The following CACNA2D2 variants were observed in gnomAD, a reference collection of about 807,000 sequenced individuals.
CACNA2D2 encodes the protein voltage-dependent calcium channel subunit alpha-2/delta-2.
In CACNA2D2, 48 loss-of-function variants were observed where a neutral mutation model predicts 166.4. The ratio of observed to expected loss-of-function variants is 0.29; its 90% CI spans 0.23 to 0.37. CACNA2D2 has a LOEUF of 0.37. CACNA2D2 is among the 10% of genes least tolerant of loss of function. The pLI is 1.00. For synonymous variants in CACNA2D2, 561 were observed against 573.7 expected (o/e 0.98, Z 0.32); for missense variants, 1,122 against 1,433.0 (o/e 0.78, Z 3.50).
Position 50,368,161 on chromosome 3 carries a change from T to C in CACNA2D2, c.2120A>G (p.Lys707Arg). 6.2e-7 allele frequency: 1 copy of C among 1,613,542 alleles called. No homozygotes were observed. Among genetic ancestry groups the C allele is most frequent in the Non-Finnish European group, 8.5e-7 (1 of 1,179,544 alleles). ...FLKNFIELME[K>R]VTPDSKQCNN... ...ACACTGCTTGGAGTCTGGAGTCACT[T>C]TCTCCATGAGCTCAATAAAGTTTTT... The change falls in exon 24 of 38, where the codon AAA becomes AGA. Residue 707 changes from lysine (K) to arginine (R), a missense_variant. Physicochemically the swap from Lys to Arg is conservative, Grantham distance 26. Coordinates refer to ENST00000424201, the MANE Select transcript of CACNA2D2 (RefSeq NM_006030.4).
At chr3:50,501,892 CAT>C (rs1416090686) in intron 1 of CACNA2D2, among the ~76,000 whole-genome samples, 4 of 152,184 alleles carry the variant, frequency 2.6e-5, no homozygotes, top group Non-Finnish European at 5.9e-5. Context: ...CCCAAACACA[CAT>C]GTGAAAAATC....
chr3:50,370,548 A>G (rs1704601363), intron 22 of CACNA2D2, among the ~76,000 whole-genome samples, 168 bp from the exon 23 acceptor site: 1 of 151,802 alleles, frequency 6.6e-6, no homozygotes, highest in Admixed American at 6.6e-5. Flanking sequence ...GAGAGAAGGG[A>G]CGGGCAGGGA....
intron 3 of CACNA2D2, among the ~76,000 whole-genome samples, chr3:50,414,642 C>T (rs1575651766): frequency 1.3e-5 from 2 of 152,364 alleles, no homozygotes; most frequent in South Asian, 4.1e-4. Context: ...CCACTACTGC[C>T]CTTCCTTCTT....
At chr3:50,495,388 G>A (rs967134825) in intron 1 of CACNA2D2, among the ~76,000 whole-genome samples, 16 of 152,184 alleles carry the variant, frequency 1.1e-4, no homozygotes, top group Non-Finnish European at 2.1e-4. Context: ...ACACAGGCGC[G>A]TCCTGAAAAT....
Position 50,502,771 on chromosome 3 carries a change from C to T in CACNA2D2, c.206+447G>A, listed in dbSNP as rs1179201003. 2.6e-5 allele frequency among the ~76,000 whole-genome samples: 4 copies of T among 152,250 alleles called. No homozygotes were observed. The East Asian group carries it at 7.7e-4, about 29-fold the overall frequency. ...CTTGAAGGCAGGTGTGGAGATGTCC[C>T]TCACCTCTGGCTGTAAAGCGCCGGA... On this transcript the variant is annotated intron_variant, in intron 1 of 37. Coordinates refer to ENST00000424201, the MANE Select transcript of CACNA2D2 (RefSeq NM_006030.4).
At chr3:50,438,223 C>G (rs202094023) in intron 2 of CACNA2D2, among the ~76,000 whole-genome samples, 2 of 152,152 alleles carry the variant, frequency 1.3e-5, no homozygotes, top group African/African-American at 2.4e-5. Flanking sequence ...CTGGTTCCCC[C>G]CCTTGTTTCA....
At position 50,365,316 on chromosome 3, in the gene CACNA2D2, G is replaced by A. The variant is rs369087769; in HGVS notation, c.3098+40C>T. ...CCCGAGCGTCTCGCCCCGCTCACAGGTTCCGCCCTTGGCCTCTGGTCCCGC... is the reference window on the plus strand; with the variant it reads ...CCCGAGCGTCTCGCCCCGCTCACAGATTCCGCCCTTGGCCTCTGGTCCCGC... On this transcript the variant is annotated intron_variant, in intron 35 of 37. Coordinates refer to ENST00000424201, the MANE Select transcript of CACNA2D2 (RefSeq NM_006030.4). This position sits in a 1 kb window ranked among gnomAD's most constrained non-coding sequence, Gnocchi z 4.5. 8 of 1,602,326 alleles carry A rather than the reference G, an allele frequency of 5.0e-6. No individual in the cohort carries two copies. The East Asian group carries it at 1.8e-4, about 36-fold the overall frequency.
At chr3:50,497,116 A>AGGAG (rs1698756172) in intron 1 of CACNA2D2, among the ~76,000 whole-genome samples, 1 of 152,212 alleles carries the variant, frequency 6.6e-6, no homozygotes, top group African/African-American at 2.4e-5. Context: ...GTATGGCCAA[A>AGGAG]GGAGGACGGG....
chr3:50,364,537 G>A lies in CACNA2D2; in HGVS notation c.*129C>T, dbSNP rs190025738. The A allele has an allele frequency of 1.7e-6, 2 of 1,189,172 alleles. No individual in the cohort carries two copies. The highest frequency in any genetic ancestry group is 5.2e-5 in the East Asian group (2 of 38,578). 73.7% of individuals were successfully genotyped at this position (1,189,172 alleles called of 1,614,324 possible). A position where few individuals can be genotyped will look rare whatever the true frequency, so the allele number is the denominator to read the frequency against. ...TCCCAAGGCGCAGACCAGACTCTCA[G>A]GGCCTGGCCAGCTCAGGTCCTTCAG... On this transcript the variant is annotated 3_prime_UTR_variant, in exon 38 of 38. Coordinates refer to ENST00000424201, the MANE Select transcript of CACNA2D2 (RefSeq NM_006030.4).
chr3:50,466,272 A>ATGTG (rs10678919), intron 2 of CACNA2D2, among the ~76,000 whole-genome samples: 93 of 149,498 alleles, frequency 6.2e-4, no homozygotes, highest in African/African-American at 7.4e-4. Context: ...GTGTGTGCGC[A>ATGTG]TGTGTGTGTG....
At chr3:50,374,697 A>G (rs1704876337) in intron 22 of CACNA2D2, 40 bp downstream of exon 22, 2 of 1,563,118 alleles carry the variant, frequency 1.3e-6, no homozygotes, top group Non-Finnish European at 1.7e-6. Flanking sequence ...TGCGGGGCAG[A>G]GGCAGGGTGC....
rs969986673 is a variant in CACNA2D2, at chr3:50,376,598, C to T, written c.1627-410G>A. 2.0e-5 allele frequency among the ~76,000 whole-genome samples: 3 copies of T among 152,178 alleles called. No homozygotes were observed. The highest frequency in any genetic ancestry group is 1.3e-4 in the Admixed American group (2 of 15,292). On this transcript the variant is annotated intron_variant, in intron 17 of 37. Coordinates refer to ENST00000424201, the MANE Select transcript of CACNA2D2 (RefSeq NM_006030.4). This position sits in a 1 kb window ranked among gnomAD's most constrained non-coding sequence, Gnocchi z 4.3. ...CCCACGTCAAGAGAGAGCAGCGGGACGAGTGGACCCTTCGGAATCCTACCT... is the reference window on the plus strand; with the variant it reads ...CCCACGTCAAGAGAGAGCAGCGGGATGAGTGGACCCTTCGGAATCCTACCT...
chr3:50,407,013 G>A lies in CACNA2D2; in HGVS notation c.406-12845C>T, dbSNP rs184474133. Among the ~76,000 whole-genome samples, 191 of 151,954 alleles carry A rather than the reference G, an allele frequency of 1.3e-3. 1 individual carries two copies. The highest frequency in any genetic ancestry group is 4.2e-3 in the African/African-American group (176 of 41,564). ...GACCAGAGAGCTCATAATCAACCTG[G>A]ATATTGGTGCTTGTATCTAGGTACC... On this transcript the variant is annotated intron_variant, in intron 3 of 37. Transcript: ENST00000424201.
rs192176045 is a variant in CACNA2D2 at position 50,429,631 on chromosome 3, G to A, written c.405+4682C>T. ...AAAAAAAAAAAAAAATTAGCCAGGC[G>A]TGGTGGCAGGCACCTGTAGTCCCAG... On this transcript the variant is annotated intron_variant, in intron 3 of 37. Transcript: ENST00000424201. Among the ~76,000 whole-genome samples the A allele has an allele frequency of 8.8e-5, 13 of 148,166 alleles. No individual in the cohort carries two copies. In the East Asian group the frequency reaches 2.0e-3, roughly 23 times the overall value.
Position 50,379,054 on chromosome 3 carries a change from C to G in CACNA2D2, c.1260+38G>C, listed in dbSNP as rs1375502480. ...GGGGACAGCCCTCTTCTGTACTGGG[C>G]CCAGGTCAGGGTAGCCCCTGCCTCG... On this transcript the variant is annotated intron_variant, in intron 12 of 37. Coordinates refer to ENST00000424201, the MANE Select transcript of CACNA2D2 (RefSeq NM_006030.4). This position sits in a 1 kb window ranked among gnomAD's most constrained non-coding sequence, Gnocchi z 6.5. The G allele has an allele frequency of 1.2e-6, 2 of 1,613,350 alleles. No individual in the cohort carries two copies. Among genetic ancestry groups the G allele is most frequent in the South Asian group, 2.2e-5 (2 of 91,074 alleles).
At chr3:50,463,001 T>C (rs1218853967) in intron 2 of CACNA2D2, among the ~76,000 whole-genome samples, 3 of 152,124 alleles carry the variant, frequency 2.0e-5, no homozygotes, top group Non-Finnish European at 2.9e-5. Flanking sequence ...CTCCAGCCTC[T>C]GGCCTCAGGA....
intron 2 of CACNA2D2, among the ~76,000 whole-genome samples, chr3:50,451,975 T>G (rs892505664): frequency 1.3e-5 from 2 of 152,160 alleles, no homozygotes; most frequent in East Asian, 3.9e-4. Flanking sequence ...ACAAGTCTCA[T>G]GATGTGGATG....
intron 22 of CACNA2D2, among the ~76,000 whole-genome samples, chr3:50,373,917 A>G (rs1403905689): frequency 2.3e-5 from 1 of 42,974 alleles, no homozygotes; most frequent in African/African-American, 1.2e-4. Context: ...CCACAGGGGT[A>G]GAGAGCTGAA....
rs1163669391 is a variant in CACNA2D2, at chr3:50,364,642, T to A, written c.*24A>T. ...GCGAAGAGGCCGGGTGAGGTGGGAG[T>A]GGAGGTGGGGTGGGGCAGGGTGCTC... On this transcript the variant is annotated 3_prime_UTR_variant, in exon 38 of 38. Transcript: ENST00000424201. 2 of 1,464,652 alleles carry A rather than the reference T, an allele frequency of 1.4e-6. No homozygotes were observed. The highest frequency in any genetic ancestry group is 2.6e-5 in the Admixed American group (1 of 38,636). The allele number at this position is 1,464,652 out of a possible 1,614,324, so 90.7% of individuals were successfully genotyped here.
Sources: allele counts gnomAD v4.1 joint callset (sites outside exome capture counted in the v4.1 genomes callset), GRCh38; gene constraint gnomAD v4.1.1; non-coding constraint Gnocchi (gnomAD v3.1); transcripts MANE v1.5; gene names NCBI Gene and HGNC (gene_info 2026-07-23, HGNC 2026-07-21).